Variants in NALCN observed in about 807,000 individuals in gnomAD.
NALCN encodes the protein sodium leak channel, non-selective.
NALCN carries 111 observed loss-of-function variants against 225.3 expected under a neutral mutation model. The ratio of observed to expected loss-of-function variants is 0.49; its 90% CI spans 0.42 to 0.58. The LOEUF is 0.58. Among genes scored for constraint, NALCN ranks in the 20% least tolerant of loss-of-function variants. The pLI is 0.00. For synonymous variants in NALCN, 764 were observed against 769.0 expected, an observed-to-expected ratio of 0.99 and a Z score of 0.11; for missense variants, 1,378 against 2,202.4, an observed-to-expected ratio of 0.63 and a Z score of 7.49.
intron 17 of NALCN, among the ~76,000 whole-genome samples, chr13:101,131,555 CT>C (rs1200746268): frequency 6.6e-6 from 1 of 152,180 alleles, no homozygotes; most frequent in East Asian, 1.9e-4. Flanking sequence ...TGCTTTTATC[CT>C]TATCACTCTT....
intron 18 of NALCN, among the ~76,000 whole-genome samples, chr13:101,122,634 C>T (rs117212129): frequency 0.013 from 1,968 of 152,304 alleles, 20 homozygotes; most frequent in South Asian, 0.051. Context: ...TGTGTTTGTG[C>T]TTGAAAATAA....
At chr13:101,320,590 CTA>C (rs1487904340) in intron 7 of NALCN, among the ~76,000 whole-genome samples, 3 of 152,084 alleles carry the variant, frequency 2.0e-5, no homozygotes, top group Non-Finnish European at 4.4e-5. Context: ...AAAAAAGACT[CTA>C]TTTTTATATC....
At chr13:101,268,997 A>G (rs1034433513) in intron 10 of NALCN, among the ~76,000 whole-genome samples, 8 of 152,186 alleles carry the variant, frequency 5.3e-5, no homozygotes, top group African/African-American at 1.9e-4. Flanking sequence ...ACTAACCTAT[A>G]ATTTATGGAT....
chr13:101,147,870 C>CGGCCCTCTGCT (rs1321655389), intron 15 of NALCN, among the ~76,000 whole-genome samples: 2 of 152,082 alleles, frequency 1.3e-5, no homozygotes, highest in African/African-American at 4.8e-5. Context: ...CCACCTCTGC[C>CGGCCCTCTGCT]GGCCCTCTGC....
chr13:101,123,003 T>C (rs928001156), intron 18 of NALCN, among the ~76,000 whole-genome samples: 2 of 152,176 alleles, frequency 1.3e-5, no homozygotes, highest in Admixed American at 1.3e-4. Context: ...CGCCATAGTT[T>C]CCGGATGAGT....
At position 101,161,487 on chromosome 13, in the gene NALCN, C is replaced by T. The variant is rs181317398; in HGVS notation, c.1839+14813G>A. Among the ~76,000 whole-genome samples the T allele has an allele frequency of 8.0e-4, 122 of 152,348 alleles. 1 individual carries two copies. The highest frequency in any genetic ancestry group is 2.9e-3 in the African/African-American group (120 of 41,594). ...TTAAATCCAACCTATCACCAAGTCC[C>T]TCTTGATTTTATTTTCCAAACAGCT... On this transcript the variant is annotated intron_variant, in intron 15 of 43. Transcript: ENST00000251127.
chr13:101,246,408 G>A (rs1483859496), intron 11 of NALCN, among the ~76,000 whole-genome samples: 1 of 152,148 alleles, frequency 6.6e-6, no homozygotes, highest in African/African-American at 2.4e-5. Context: ...AAGAAAATCA[G>A]TTCAGGCAAT....
chr13:101,340,724 A>G (rs2045531951), intron 7 of NALCN, among the ~76,000 whole-genome samples: 1 of 152,206 alleles, frequency 6.6e-6, no homozygotes, highest in Non-Finnish European at 1.5e-5. Flanking sequence ...AAACTTTACC[A>G]CAAAGGAGTC....
At chr13:101,119,328 CACTAA>C (rs1266513535) in intron 18 of NALCN, among the ~76,000 whole-genome samples, 1 of 152,062 alleles carries the variant, frequency 6.6e-6, no homozygotes, top group African/African-American at 2.4e-5. Flanking sequence ...TAGTAAGTAG[CACTAA>C]ACTAAAGACT....
At chr13:101,406,043 T>C (rs2047610902) in intron 1 of NALCN, among the ~76,000 whole-genome samples, 1 of 151,326 alleles carries the variant, frequency 6.6e-6, no homozygotes, top group African/African-American at 2.4e-5. Context: ...AGGCCATGTG[T>C]GGTGGCTCCC....
intron 6 of NALCN, among the ~76,000 whole-genome samples, chr13:101,369,218 T>C (rs536554626): frequency 3.4e-5 from 5 of 147,488 alleles, no homozygotes; most frequent in African/African-American, 1.2e-4. Flanking sequence ...AGGCAGGTTT[T>C]ACACATATGG....
intron 15 of NALCN, among the ~76,000 whole-genome samples, chr13:101,167,464 G>C (rs764396825): frequency 1.6e-4 from 24 of 152,170 alleles, no homozygotes; most frequent in Non-Finnish European, 3.2e-4. Context: ...AAGTTACTAT[G>C]AGTGTTTCTG....
intron 37 of NALCN, 110 bp from the exon 38 acceptor site, chr13:101,068,937 C>A: frequency 8.2e-7 from 1 of 1,214,748 alleles, no homozygotes; most frequent in South Asian, 2.8e-5. Context: ...ATATAATTAA[C>A]TTCAAAGTAA....
At chr13:101,346,085 C>CTG in intron 6 of NALCN, among the ~76,000 whole-genome samples, 1 of 80,386 alleles carries the variant, frequency 1.2e-5, no homozygotes, top group Middle Eastern at 5.8e-3. Context: ...CTCTCTCTCT[C>CTG]TCTATATATA....
intron 34 of NALCN, among the ~76,000 whole-genome samples, chr13:101,079,271 C>T (rs2033463513): frequency 6.6e-6 from 1 of 152,188 alleles, no homozygotes; most frequent in Non-Finnish European, 1.5e-5. Context: ...ATTGCAGATA[C>T]CTTCCCTCTT....
chr13:101,248,320 T>G (rs781706613), intron 11 of NALCN, among the ~76,000 whole-genome samples: 3 of 152,166 alleles, frequency 2.0e-5, no homozygotes, highest in Non-Finnish European at 4.4e-5. Context: ...AACCAATAAT[T>G]TCAGGTACAT....
At chr13:101,129,418 T>C (rs992494076) in intron 17 of NALCN, among the ~76,000 whole-genome samples, 5 of 152,184 alleles carry the variant, frequency 3.3e-5, no homozygotes, top group African/African-American at 9.6e-5. Flanking sequence ...CTGTGCTCAT[T>C]GGGAGTTTTT....
At chr13:101,177,287 A>T (rs2038994888) in intron 14 of NALCN, among the ~76,000 whole-genome samples, 1 of 152,142 alleles carries the variant, frequency 6.6e-6, no homozygotes, top group Admixed American at 6.5e-5. Context: ...ACTAATTGAG[A>T]TAATAAACAT....
intron 34 of NALCN, 63 bp from the exon 35 acceptor site, chr13:101,076,004 T>G: frequency 7.2e-7 from 1 of 1,385,866 alleles, no homozygotes; most frequent in Non-Finnish European, 1.0e-6. Flanking sequence ...ACAGTTCCAT[T>G]TTTTAAGCCT....
Sources: gnomAD v4.1 joint callset for allele counts (sites outside exome capture counted in the v4.1 genomes callset) on GRCh38, gnomAD v4.1.1 for gene constraint, MANE v1.5 for transcripts, NCBI Gene and HGNC (gene_info 2026-07-23, HGNC 2026-07-21) for gene names.